KAT2B: variants seen among roughly 807,000 people sequenced by gnomAD.
The protein encoded by KAT2B is histone acetyltransferase KAT2B.
KAT2B carries 36 observed loss-of-function variants against 105.9 expected under a neutral mutation model. That is an observed-to-expected ratio of 0.34 (90% CI 0.26 to 0.45). The LOEUF (loss-of-function observed/expected upper bound fraction) is 0.45. KAT2B is among the 20% of genes least tolerant of loss of function. KAT2B has a pLI of 1.00. For synonymous variants in KAT2B, 397 were observed against 377.9 expected, an observed-to-expected ratio of 1.05 and a Z score of -0.59; for missense variants, 820 against 1,021.6, an observed-to-expected ratio of 0.80 and a Z score of 2.69.
At chr3:20,120,595 G>A (rs929610929) in intron 8 of KAT2B, among the ~76,000 whole-genome samples, 1 of 152,130 alleles carries the variant, frequency 6.6e-6, no homozygotes, top group African/African-American at 2.4e-5. Flanking sequence ...AGGTGGAGAA[G>A]TGGAAAAAGG....
In KAT2B at chr3:20,044,849, G is replaced by A. The variant is rs371928511; in HGVS notation, c.303+4069G>A. On this transcript the variant is annotated intron_variant, in intron 1 of 17. Transcript: ENST00000263754. The stretch of plus-strand genomic sequence containing the variant: ...CTTTGAATAGATTCTTAGCCATGCG[G>A]TTATTGACTAAGCGAATGAACCAGA... Among the ~76,000 whole-genome samples, 128 of 152,280 alleles carry A rather than the reference G, an allele frequency of 8.4e-4. 3 individuals carry two copies. In the South Asian group the frequency reaches 0.026, roughly 31 times the overall value.
At chr3:20,095,857 G>A (rs1698799314) in intron 3 of KAT2B, among the ~76,000 whole-genome samples, 1 of 152,204 alleles carries the variant, frequency 6.6e-6, no homozygotes, top group Non-Finnish European at 1.5e-5. Context: ...AGTAGGATAA[G>A]TGGAATCAGA....
At chr3:20,092,474 C>T (rs1364918026) in intron 2 of KAT2B, among the ~76,000 whole-genome samples, 1 of 151,786 alleles carries the variant, frequency 6.6e-6, no homozygotes, top group Non-Finnish European at 1.5e-5. Flanking sequence ...ACATGATCCA[C>T]CCACCTTGTC....
intron 1 of KAT2B, among the ~76,000 whole-genome samples, chr3:20,062,578 C>T (rs201620133): frequency 1.3e-5 from 2 of 150,434 alleles, no homozygotes; most frequent in East Asian, 3.9e-4. Context: ...TCTCTTGCCT[C>T]AGCTTCCCGA....
At chr3:20,070,951 G>C (rs1698310944) in intron 1 of KAT2B, among the ~76,000 whole-genome samples, 4 of 150,728 alleles carry the variant, frequency 2.7e-5, no homozygotes, top group Admixed American at 2.0e-4. Flanking sequence ...GGAGGATGCA[G>C]TGAGACAAGA....
chr3:20,101,378 G>T lies in KAT2B; in HGVS notation c.761G>T (p.Arg254Leu), dbSNP rs552545462. The T allele has an allele frequency of 6.2e-6, 10 of 1,613,758 alleles. No individual in the cohort carries two copies. Among genetic ancestry groups the T allele is most frequent in the East Asian group, 2.2e-5 (1 of 44,862 alleles). The stretch of plus-strand genomic sequence containing the variant: ...GAGTTGGCAAAAATGTTCCTAAACC[G>T]CATCAACTATTGGCATCTGGAGGCA... ...IVELAKMFLN[R>L]INYWHLEAPS... Residue 254 changes from arginine to leucine, a missense_variant, in exon 5 of 18, where the codon CGC becomes CTC. Physicochemically the swap from Arg to Leu is moderately radical, Grantham distance 102. This residue lies in a region of KAT2B where 173 missense variants were observed against 249.5 expected (regional missense o/e 0.69). Transcript: ENST00000263754.
intron 2 of KAT2B, among the ~76,000 whole-genome samples, chr3:20,089,971 C>T (rs957763155): frequency 1.4e-5 from 2 of 148,038 alleles, no homozygotes; most frequent in African/African-American, 2.5e-5. Flanking sequence ...AGTGAGAAGC[C>T]ATCTCTATTA....
rs1699901449 is a variant in KAT2B at position 20,153,443 on chromosome 3, C to T, written c.*918C>T. 6.6e-6 allele frequency: 1 copy of T among 152,520 alleles called. No homozygotes were observed. Among genetic ancestry groups the T allele is most frequent in the Non-Finnish European group, 1.5e-5 (1 of 67,978 alleles). 9.4% of individuals were successfully genotyped at this position (152,520 alleles called of 1,614,324 possible). The stretch of plus-strand genomic sequence containing the variant: ...AAGGTTCTTTTTCTTTTCTATGATA[C>T]ACACAGCCACGCTGATAATATGCAA... On this transcript the variant is annotated 3_prime_UTR_variant, in exon 18 of 18. Coordinates refer to ENST00000263754, the MANE Select transcript of KAT2B (RefSeq NM_003884.5).
rs1254987393 is a variant in KAT2B, at chr3:20,101,355, G to A, written c.738G>A (p.Glu246=). The A allele has an allele frequency of 6.2e-7, 1 of 1,614,050 alleles. No individual in the cohort carries two copies. Among genetic ancestry groups the A allele is most frequent in the Admixed American group, 1.7e-5 (1 of 60,014 alleles). ...CAAAAGAAAGGCAAACAATAGTTGA[G>A]TTGGCAAAAATGTTCCTAAACCGCA... ...LPAKERQTIV[E]LAKMFLNRIN... Residue 246 remains glutamate, a synonymous_variant, in exon 5 of 18, where the codon GAG becomes GAA. Transcript: ENST00000263754.
chr3:20,120,494 C>A (rs1699289386), intron 8 of KAT2B, among the ~76,000 whole-genome samples: 1 of 152,174 alleles, frequency 6.6e-6, no homozygotes, highest in South Asian at 2.1e-4. Context: ...TCCCAAAGTG[C>A]TGGGATTATA....
chr3:20,148,549 A>G (rs1050513278), intron 17 of KAT2B, 62 bp downstream of exon 17: 1 of 1,206,174 alleles, frequency 8.3e-7, no homozygotes, highest in South Asian at 1.4e-5. Context: ...GTGGGGGACA[A>G]ATGGTTGCTG....
At chr3:20,107,009 A>G (rs1242809281) in intron 5 of KAT2B, among the ~76,000 whole-genome samples, 2 of 24,658 alleles carry the variant, frequency 8.1e-5, no homozygotes, top group African/African-American at 1.9e-4. Context: ...ATATATATAT[A>G]TATATATTTT....
chr3:20,072,439 G>A lies in KAT2B; in HGVS notation c.410G>A (p.Arg137Gln). The A allele has an allele frequency of 6.2e-7, 1 of 1,613,828 alleles. No homozygotes were observed. ...QIIVSLTESCRSCSHALAAHV... is the reference protein window; with the variant it reads ...QIIVSLTESCQSCSHALAAHV... Reference sequence around the variant, plus strand: ...ATTGTCAGTCTAACAGAATCCTGTCGGAGTTGTAGCCATGCCCTAGGTGAG... The same window carrying A: ...ATTGTCAGTCTAACAGAATCCTGTCAGAGTTGTAGCCATGCCCTAGGTGAG... Residue 137 changes from arginine to glutamine, a missense_variant, in exon 2 of 18, where the codon CGG becomes CAG. Physicochemically the swap from Arg to Gln is conservative, Grantham distance 43. Coordinates refer to ENST00000263754, the MANE Select transcript of KAT2B (RefSeq NM_003884.5).
Position 20,120,375 on chromosome 3 carries a change from C to T in KAT2B, c.1276+652C>T, listed in dbSNP as rs148752835. On this transcript the variant is annotated intron_variant, in intron 8 of 17. Coordinates refer to ENST00000263754, the MANE Select transcript of KAT2B (RefSeq NM_003884.5). ...CCTGAGTAGCTGGGATTACAGGTGC[C>T]CACCATCATGCCCTGCTAATTTTTG... Among the ~76,000 whole-genome samples, 1,335 of 152,144 alleles carry T rather than the reference C, an allele frequency of 8.8e-3. 17 individuals are homozygous for T. Among genetic ancestry groups the T allele is most frequent in the African/African-American group, 0.03 (1,257 of 41,508 alleles).
intron 8 of KAT2B, among the ~76,000 whole-genome samples, chr3:20,121,771 T>A (rs1424838785): frequency 7.2e-6 from 1 of 139,656 alleles, no homozygotes; most frequent in African/African-American, 2.6e-5. Context: ...TGTGTGTGTG[T>A]GTGTGTGTGT....
At chr3:20,118,758 G>A (rs1296750116) in intron 7 of KAT2B, among the ~76,000 whole-genome samples, 1 of 136,836 alleles carries the variant, frequency 7.3e-6, no homozygotes, top group Non-Finnish European at 1.6e-5. Flanking sequence ...GAGAGAGAGC[G>A]AACTATATAT....
intron 2 of KAT2B, among the ~76,000 whole-genome samples, chr3:20,090,295 T>C (rs1030215625): frequency 6.6e-6 from 1 of 152,234 alleles, no homozygotes; most frequent in Non-Finnish European, 1.5e-5. Context: ...AAGGAAAAGC[T>C]TTCAGCTTCT....
At chr3:20,055,948 T>A (rs1018452597) in intron 1 of KAT2B, among the ~76,000 whole-genome samples, 4 of 152,166 alleles carry the variant, frequency 2.6e-5, no homozygotes, top group Admixed American at 2.0e-4. Context: ...TAATCCGTGG[T>A]GTTGGATGCA....
chr3:20,093,283 A>G (rs1019555141), intron 2 of KAT2B, among the ~76,000 whole-genome samples: 12 of 152,232 alleles, frequency 7.9e-5, no homozygotes, highest in Admixed American at 6.5e-4. Context: ...TTGGTACTCA[A>G]TTCTGTGCAG....
Sources: gnomAD v4.1 joint callset for allele counts (sites outside exome capture counted in the v4.1 genomes callset) on GRCh38, gnomAD v4.1.1 for gene constraint, gnomAD v4.1.1 regional missense constraint, MANE v1.5 for transcripts, NCBI Gene and HGNC (gene_info 2026-07-23, HGNC 2026-07-21) for gene names.